The following FIGN variants were observed in gnomAD, a reference collection of about 807,000 sequenced individuals.
FIGN encodes fidgetin.
A neutral mutation model predicts 51.3 loss-of-function variants in FIGN; 11 were observed. The observed-to-expected ratio is 0.21, with a 90% CI of 0.13 to 0.35. FIGN has a LOEUF of 0.35. FIGN is among the 10% of genes least tolerant of loss of function. The pLI is 1.00. For missense variants in FIGN, 857 were observed against 943.6 expected (o/e 0.91, Z 1.20); for synonymous variants, 407 against 363.2 (o/e 1.12, Z -1.37).
chr2:163,611,275 G>A lies in FIGN; in HGVS notation c.557C>T (p.Ala186Val). The A allele has an allele frequency of 2.5e-6, 4 of 1,614,142 alleles. No homozygotes were observed. The highest frequency in any genetic ancestry group is 3.4e-6 in the Non-Finnish European group (4 of 1,180,012). Reference protein sequence around the residue: ...LHAGLPSQEYAPGYNGSYLHS... With the variant: ...LHAGLPSQEYVPGYNGSYLHS... ...CAAATATGATCCGTTGTATCCTGGG[G>A]CATATTCCTGAGATGGGAGCCCTGC... The change falls in exon 3 of 3, where the codon GCC (alanine) becomes GTC (valine). Residue 186 changes from alanine (A) to valine (V), a missense_variant. Coordinates refer to ENST00000333129, the MANE Select transcript of FIGN (RefSeq NM_018086.4).
At chr2:163,712,099 A>C (rs1304483011) in intron 2 of FIGN, among the ~76,000 whole-genome samples, 1 of 152,162 alleles carries the variant, frequency 6.6e-6, no homozygotes, top group Non-Finnish European at 1.5e-5. Context: ...ACAAAGTACA[A>C]AAGATGAATC....
At position 163,611,619 on chromosome 2, in the gene FIGN, A is replaced by G. The variant is rs754369096; in HGVS notation, c.213T>C (p.Tyr71=). 6 of 1,614,086 alleles carry G rather than the reference A, an allele frequency of 3.7e-6. No individual in the cohort carries two copies. The highest frequency in any genetic ancestry group is 1.1e-5 in the South Asian group (1 of 91,092). The part of the protein sequence containing the change: ...ALTASNLLKK[Y]AEKYSGILEG... ...CCAAAATGCCGGAATACTTCTCTGC[A>G]TATTTTTTTAGTAGGTTGGATGCAG... Residue 71 remains tyrosine (Y), a synonymous_variant, in exon 3 of 3, where the codon TAT becomes TAC. Coordinates refer to ENST00000333129, the MANE Select transcript of FIGN (RefSeq NM_018086.4).
chr2:163,730,771 C>T (rs1431256943), intron 2 of FIGN, among the ~76,000 whole-genome samples: 1 of 152,068 alleles, frequency 6.6e-6, no homozygotes, highest in Non-Finnish European at 1.5e-5. Context: ...CAAGTTCTAT[C>T]GATCAGTAGC....
intron 2 of FIGN, among the ~76,000 whole-genome samples, chr2:163,657,109 C>T (rs1292681593): frequency 2.1e-5 from 3 of 145,842 alleles, no homozygotes; most frequent in African/African-American, 7.8e-5. Context: ...AGACTCTCCT[C>T]CAAGAGAAAA....
At chr2:163,639,326 G>C (rs1379844225) in intron 2 of FIGN, among the ~76,000 whole-genome samples, 1 of 152,018 alleles carries the variant, frequency 6.6e-6, no homozygotes, top group Non-Finnish European at 1.5e-5. Context: ...ACAGGTTCCA[G>C]AAAAATGTTT....
At chr2:163,667,818 TC>T (rs1252495489) in intron 2 of FIGN, among the ~76,000 whole-genome samples, 1 of 152,158 alleles carries the variant, frequency 6.6e-6, no homozygotes, top group African/African-American at 2.4e-5. Flanking sequence ...TATGCCTTCC[TC>T]CCTCACAAGA....
chr2:163,607,039 T>A lies in FIGN; in HGVS notation c.*2513A>T, dbSNP rs928214125. 3.2e-4 allele frequency: 48 copies of A among 152,154 alleles called. No homozygotes were observed. Among genetic ancestry groups the A allele is most frequent in the African/African-American group, 1.1e-3 (46 of 41,446 alleles). The allele number at this position is 152,154 out of a possible 1,614,324, so 9.4% of individuals were successfully genotyped here. On this transcript the variant is annotated 3_prime_UTR_variant, in exon 3 of 3. Transcript: ENST00000333129. Reference sequence around the variant, plus strand: ...TTAAATCTTACTAGCCACAAAAAAATGTGGGTCAATATTGGATTTTCCAAA... The same window carrying A: ...TTAAATCTTACTAGCCACAAAAAAAAGTGGGTCAATATTGGATTTTCCAAA...
intron 2 of FIGN, among the ~76,000 whole-genome samples, chr2:163,619,475 G>C (rs1425948029): frequency 6.6e-6 from 1 of 151,966 alleles, no homozygotes; most frequent in African/African-American, 2.4e-5. Context: ...ATCTGAATTG[G>C]GTTCTCTACA....
chr2:163,687,709 A>G (rs1684171808), intron 2 of FIGN, among the ~76,000 whole-genome samples: 1 of 152,234 alleles, frequency 6.6e-6, no homozygotes, highest in Non-Finnish European at 1.5e-5. Flanking sequence ...CTAACAATGC[A>G]AACTTAAATT....
At chr2:163,699,399 A>G (rs1308650826) in intron 2 of FIGN, among the ~76,000 whole-genome samples, 2 of 152,186 alleles carry the variant, frequency 1.3e-5, no homozygotes, top group African/African-American at 2.4e-5. Flanking sequence ...AAAACCACAC[A>G]GCTACCTAAT....
chr2:163,716,400 A>G (rs567746447), intron 2 of FIGN, among the ~76,000 whole-genome samples: 1 of 152,336 alleles, frequency 6.6e-6, no homozygotes, highest in African/African-American at 2.4e-5. Flanking sequence ...GAAAATAACA[A>G]AGGATGTAAT....
At chr2:163,666,717 T>C (rs61493479) in intron 2 of FIGN, among the ~76,000 whole-genome samples, 6,906 of 152,106 alleles carry the variant, frequency 0.045, 196 homozygotes, top group African/African-American at 0.066. Context: ...ATCAAGGTAA[T>C]TTTCTAATCC....
intron 2 of FIGN, among the ~76,000 whole-genome samples, chr2:163,716,346 T>C (rs1344166528): frequency 6.6e-6 from 1 of 152,196 alleles, no homozygotes; most frequent in Non-Finnish European, 1.5e-5. Flanking sequence ...CATATGCACA[T>C]TGGCACTACC....
chr2:163,713,902 T>C (rs1318886483), intron 2 of FIGN, among the ~76,000 whole-genome samples: 2 of 152,174 alleles, frequency 1.3e-5, no homozygotes, highest in East Asian at 1.9e-4. Context: ...AATTGCAAGC[T>C]GATTAGATTG....
chr2:163,663,302 C>G (rs1683720308), intron 2 of FIGN, among the ~76,000 whole-genome samples: 2 of 151,310 alleles, frequency 1.3e-5, no homozygotes. Context: ...AAGAACCGTT[C>G]TGAATTGTAG....
chr2:163,691,349 C>T (rs1265609677), intron 2 of FIGN, among the ~76,000 whole-genome samples: 2 of 152,092 alleles, frequency 1.3e-5, no homozygotes, highest in Admixed American at 1.3e-4. Flanking sequence ...TATGGCAACC[C>T]TCTGCCTTTA....
At chr2:163,687,867 A>G (rs992719134) in intron 2 of FIGN, among the ~76,000 whole-genome samples, 3 of 152,216 alleles carry the variant, frequency 2.0e-5, no homozygotes, top group East Asian at 1.9e-4. Flanking sequence ...CTTGGGTCAC[A>G]AAGACCAACA....
intron 2 of FIGN, among the ~76,000 whole-genome samples, chr2:163,640,000 T>C (rs527352961): frequency 6.6e-6 from 1 of 152,152 alleles, no homozygotes; most frequent in Non-Finnish European, 1.5e-5. Context: ...CCCTTAGTGC[T>C]ACAGTTATTA....
chr2:163,641,702 G>A, intron 2 of FIGN, among the ~76,000 whole-genome samples: 1 of 150,812 alleles, frequency 6.6e-6, no homozygotes, highest in Non-Finnish European at 1.5e-5. Context: ...GGCAGCAAAT[G>A]CCATGGCAAA....
Sources: gnomAD v4.1 joint callset for allele counts (sites outside exome capture counted in the v4.1 genomes callset) on GRCh38, gnomAD v4.1.1 for gene constraint, MANE v1.5 for transcripts, NCBI Gene and HGNC (gene_info 2026-07-23, HGNC 2026-07-21) for gene names.